The following ORC4 variants were observed in gnomAD, a reference collection of about 807,000 sequenced individuals.
ORC4 encodes origin recognition complex, subunit 4 homolog.
A neutral mutation model predicts 63.9 loss-of-function variants in ORC4; 55 were observed. The ratio of observed to expected loss-of-function variants is 0.86; its 90% CI spans 0.69 to 1.08. ORC4 has a LOEUF of 1.08. Ranked by LOEUF, ORC4 falls within the 50% of genes least tolerant of loss-of-function variation. The probability of loss-of-function intolerance (pLI) is 0.00; values close to 1 mark genes in which losing one functional copy is unlikely to be tolerated. For synonymous variants in ORC4, 150 were observed against 168.5 expected (o/e 0.89, Z 0.85); for missense variants, 511 against 504.4 (o/e 1.01, Z -0.13).
chr2:147,995,511 G>A (rs1173432053), intron 1 of ORC4, among the ~76,000 whole-genome samples: 4 of 152,062 alleles, frequency 2.6e-5, no homozygotes, highest in Non-Finnish European at 2.9e-5. Flanking sequence ...TTGTTCTTTC[G>A]CTCTTCACAA....
intron 4 of ORC4, among the ~76,000 whole-genome samples, chr2:147,967,165 G>T (rs551198611): frequency 6.6e-6 from 1 of 151,600 alleles, no homozygotes; most frequent in South Asian, 2.1e-4. Context: ...TGTCAAAAAG[G>T]TATAGAAAAA....
At chr2:147,938,104 A>G in intron 13 of ORC4, 42 bp downstream of exon 13, 1 of 1,331,160 alleles carries the variant, frequency 7.5e-7, no homozygotes, top group Non-Finnish European at 1.1e-6. Flanking sequence ...GATGTAAAAA[A>G]TATACTTGTC....
intron 4 of ORC4, among the ~76,000 whole-genome samples, chr2:147,964,882 A>G (rs189701334): frequency 4.6e-5 from 7 of 152,332 alleles, no homozygotes; most frequent in Admixed American, 4.6e-4. Context: ...TCTTAAGAGA[A>G]ACCTGACAGG....
In ORC4 at chr2:147,932,843, C is replaced by G. The variant is rs1010447808; in HGVS notation, c.*2667G>C. Reference sequence around the variant, plus strand: ...TCTAAACCAGATGAGGATCAGAGTGCGAACCATGGTGAAATATGCATGGAA... The same window carrying G: ...TCTAAACCAGATGAGGATCAGAGTGGGAACCATGGTGAAATATGCATGGAA... On this transcript the variant is annotated 3_prime_UTR_variant, in exon 14 of 14. Coordinates refer to ENST00000392857, the MANE Select transcript of ORC4 (RefSeq NM_181741.4). 1 of 151,994 alleles carries G rather than the reference C, an allele frequency of 6.6e-6. No individual in the cohort carries two copies. The highest frequency in any genetic ancestry group is 2.1e-4 in the South Asian group (1 of 4,820). The allele number at this position is 151,994 out of a possible 1,614,324, so 9.4% of individuals were successfully genotyped here. A position where few individuals can be genotyped will look rare whatever the true frequency, so the allele number is the denominator to read the frequency against.
intron 1 of ORC4, among the ~76,000 whole-genome samples, chr2:147,979,685 C>G (rs1005939894): frequency 2.0e-5 from 3 of 151,886 alleles, no homozygotes; most frequent in African/African-American, 7.3e-5. Flanking sequence ...ATACCTAGTG[C>G]AAAACTAAGA....
At chr2:147,942,398 G>T (rs1688413477) in intron 10 of ORC4, among the ~76,000 whole-genome samples, 1 of 151,906 alleles carries the variant, frequency 6.6e-6, no homozygotes, top group Non-Finnish European at 1.5e-5. Context: ...TAATTACTTG[G>T]CAAAACATCA....
chr2:148,019,444 T>C (rs1460671770), intron 1 of ORC4, among the ~76,000 whole-genome samples: 2 of 152,052 alleles, frequency 1.3e-5, no homozygotes, highest in African/African-American at 4.8e-5. Context: ...ACAAAAAAAT[T>C]AGCCAGGCGT....
chr2:147,953,489 T>TAG (rs555607878), intron 7 of ORC4, among the ~76,000 whole-genome samples: 6 of 152,286 alleles, frequency 3.9e-5, no homozygotes, highest in Middle Eastern at 3.4e-3. Flanking sequence ...ACTTTAAGAT[T>TAG]AAAATATAAG....
chr2:148,016,087 C>G (rs1366587219), intron 1 of ORC4, among the ~76,000 whole-genome samples: 3 of 152,106 alleles, frequency 2.0e-5, no homozygotes, highest in Non-Finnish European at 4.4e-5. Flanking sequence ...GGTGAAAAAG[C>G]TCGATAAGTG....
intron 1 of ORC4, among the ~76,000 whole-genome samples, chr2:148,017,458 G>C (rs1472851772): frequency 6.6e-6 from 1 of 152,228 alleles, no homozygotes; most frequent in Admixed American, 6.5e-5. Context: ...GATCACTTGA[G>C]GTCAGGAGTT....
Position 147,955,547 on chromosome 2 carries a change from A to G in ORC4, c.388-152T>C, listed in dbSNP as rs144589815. The G allele has an allele frequency of 4.7e-3, 2,565 of 545,910 alleles. 13 individuals are homozygous for G. The highest frequency in any genetic ancestry group is 8.0e-3 in the Middle Eastern group (17 of 2,118). The allele number at this position is 545,910 out of a possible 1,614,324, so 33.8% of individuals were successfully genotyped here. A position where few individuals can be genotyped will look rare whatever the true frequency, so the allele number is the denominator to read the frequency against. On this transcript the variant is annotated intron_variant, in intron 6 of 13. Coordinates refer to ENST00000392857, the MANE Select transcript of ORC4 (RefSeq NM_181741.4). The stretch of plus-strand genomic sequence containing the variant: ...TCTGCTGAGTGTCTCTATACTTCCT[A>G]TCTAAAACTTAAATACTTAAGCAAA...
chr2:148,019,355 C>G (rs1693525415), intron 1 of ORC4, among the ~76,000 whole-genome samples: 1 of 152,112 alleles, frequency 6.6e-6, no homozygotes, highest in South Asian at 2.1e-4. Flanking sequence ...TTTGGGAGGC[C>G]GAGGCGGGAG....
chr2:147,947,425 C>A (rs942647608), intron 9 of ORC4, among the ~76,000 whole-genome samples: 1 of 152,004 alleles, frequency 6.6e-6, no homozygotes, highest in South Asian at 2.1e-4. Context: ...GATTAAAATG[C>A]TAGTGTGTTG....
chr2:147,960,331 G>A, intron 4 of ORC4: 1 of 978,384 alleles, frequency 1.0e-6, no homozygotes, highest in Non-Finnish European at 1.2e-6. Flanking sequence ...ATATTAGCAA[G>A]TGAGTCTTCA....
chr2:148,008,116 T>C (rs1347019766), intron 1 of ORC4, among the ~76,000 whole-genome samples: 2 of 152,200 alleles, frequency 1.3e-5, no homozygotes, highest in Non-Finnish European at 2.9e-5. Flanking sequence ...CTGAGGGATT[T>C]CATCAACACC....
intron 11 of ORC4, 159 bp from the exon 12 acceptor site, chr2:147,938,552 T>A (rs1296268269): frequency 1.7e-6 from 1 of 596,796 alleles, no homozygotes; most frequent in East Asian, 2.8e-5. Context: ...TCTATATAAA[T>A]TTAAGTTACT....
intron 1 of ORC4, among the ~76,000 whole-genome samples, chr2:147,979,558 T>C (rs968794174): frequency 5.9e-5 from 9 of 152,078 alleles, no homozygotes; most frequent in Admixed American, 3.3e-4. Flanking sequence ...TCTAATGACA[T>C]TTTTCATAGA....
At chr2:147,955,213 A>G (rs1424014117) in intron 7 of ORC4, 134 bp downstream of exon 7, 2 of 650,016 alleles carry the variant, frequency 3.1e-6, no homozygotes, top group Non-Finnish European at 5.5e-6. Context: ...TACAGTGAAC[A>G]TTGTATTCTT....
At chr2:148,007,541 AAAC>A (rs1692709900) in intron 1 of ORC4, among the ~76,000 whole-genome samples, 1 of 152,196 alleles carries the variant, frequency 6.6e-6, no homozygotes, top group Non-Finnish European at 1.5e-5. Flanking sequence ...AAAAATAATA[AAAC>A]AATAATGAAG....
Sources: allele counts gnomAD v4.1 joint callset (sites outside exome capture counted in the v4.1 genomes callset), GRCh38; gene constraint gnomAD v4.1.1; transcripts MANE v1.5; gene names NCBI Gene and HGNC (gene_info 2026-07-23, HGNC 2026-07-21).